Variants in ROBO2 observed in about 807,000 individuals in gnomAD.
The protein encoded by ROBO2 is roundabout homolog 2.
ROBO2 carries 53 observed loss-of-function variants against 160.8 expected under a neutral mutation model. The ratio of observed to expected loss-of-function variants is 0.33; its 90% CI spans 0.26 to 0.41. The LOEUF is 0.41. Among genes scored for constraint, ROBO2 ranks in the 10% least tolerant of loss-of-function variants. The pLI is 1.00. For missense variants in ROBO2, 1,577 were observed against 1,722.4 expected (o/e 0.92, Z 1.49); for synonymous variants, 664 against 611.7 (o/e 1.09, Z -1.26).
chr3:77,568,200 CGTTTT>C, intron 12 of ROBO2, 108 bp from the exon 14 acceptor site: 2 of 1,186,820 alleles, frequency 1.7e-6, no homozygotes, highest in Non-Finnish European at 2.4e-6. Flanking sequence ...AGAGAGTTTT[CGTTTT>C]GTTTCCCTGT....
chr3:77,286,102 T>C (rs532191296), intron 2 of ROBO2, among the ~76,000 whole-genome samples: 6 of 152,264 alleles, frequency 3.9e-5, no homozygotes, highest in African/African-American at 1.4e-4. Context: ...CATATAGCAG[T>C]GTGTTTTACA....
chr3:76,089,932 G>T (rs1344462963), intron 2 of ROBO2, among the ~76,000 whole-genome samples: 2 of 151,976 alleles, frequency 1.3e-5, no homozygotes, highest in Admixed American at 6.6e-5. Flanking sequence ...AAATCCAAAA[G>T]AATTCTCAGA....
intron 2 of ROBO2, among the ~76,000 whole-genome samples, chr3:76,291,601 A>C (rs757916728): frequency 6.6e-6 from 1 of 152,008 alleles, no homozygotes; most frequent in Admixed American, 6.6e-5. Context: ...TAGTTCTTCT[A>C]GAGGCGATGT....
chr3:77,232,993 G>A, intron 2 of ROBO2, among the ~76,000 whole-genome samples: 1 of 152,072 alleles, frequency 6.6e-6, no homozygotes, highest in Non-Finnish European at 1.5e-5. Context: ...GAGGCATATT[G>A]AAGAGCTTTA....
chr3:77,321,188 G>A (rs2064654713), intron 2 of ROBO2, among the ~76,000 whole-genome samples: 2 of 152,024 alleles, frequency 1.3e-5, no homozygotes, highest in African/African-American at 2.4e-5. Flanking sequence ...CATAAATTTG[G>A]GTGGTGGGCA....
chr3:76,463,710 A>T (rs2078213519), intron 2 of ROBO2, among the ~76,000 whole-genome samples: 1 of 152,126 alleles, frequency 6.6e-6, no homozygotes, highest in Non-Finnish European at 1.5e-5. Flanking sequence ...ATCCATCAGG[A>T]CAGCCATAGA....
intron 2 of ROBO2, among the ~76,000 whole-genome samples, chr3:75,996,777 ATG>A (rs2107539714): frequency 1.2e-5 from 1 of 82,020 alleles, no homozygotes; most frequent in African/African-American, 3.4e-5. Flanking sequence ...ATTCTGATAT[ATG>A]TAAATCATCA....
chr3:77,632,229 A>C (rs1408021448), intron 23 of ROBO2: 3 of 318,502 alleles, frequency 9.4e-6, no homozygotes, highest in African/African-American at 6.4e-5. Context: ...TAAACAATGT[A>C]AGAGTTGAAC....
At chr3:76,029,979 C>A (rs539770140) in intron 2 of ROBO2, among the ~76,000 whole-genome samples, 182 of 152,264 alleles carry the variant, frequency 1.2e-3, no homozygotes, top group Admixed American at 3.9e-3. Flanking sequence ...TACAGTCCCA[C>A]CAACAGTGTA....
intron 2 of ROBO2, among the ~76,000 whole-genome samples, chr3:76,942,307 A>C (rs182177355): frequency 5.9e-5 from 9 of 152,350 alleles, no homozygotes; most frequent in Admixed American, 5.9e-4. Flanking sequence ...TTTGCAAAGC[A>C]CACCTCACTT....
At chr3:76,766,006 A>C (rs1242718388) in intron 2 of ROBO2, among the ~76,000 whole-genome samples, 1 of 151,712 alleles carries the variant, frequency 6.6e-6, no homozygotes, top group African/African-American at 2.4e-5. Flanking sequence ...ATCTCAATTA[A>C]TCATTTGGTA....
intron 2 of ROBO2, among the ~76,000 whole-genome samples, chr3:77,223,933 A>T (rs886589668): frequency 6.6e-6 from 1 of 151,914 alleles, no homozygotes; most frequent in African/African-American, 2.4e-5. Context: ...TATATATCTT[A>T]TTTGTGTGTG....
chr3:76,026,987 T>G (rs1388956481), intron 2 of ROBO2, among the ~76,000 whole-genome samples: 2 of 151,940 alleles, frequency 1.3e-5, no homozygotes, highest in Non-Finnish European at 2.9e-5. Context: ...GTCTGAGGAC[T>G]GCGCTGGGAC....
At chr3:76,007,831 C>T (rs1482040428) in intron 2 of ROBO2, among the ~76,000 whole-genome samples, 1 of 152,028 alleles carries the variant, frequency 6.6e-6, no homozygotes, top group African/African-American at 2.4e-5. Context: ...TTGCTAATGG[C>T]CTTCTTGAAC....
intron 2 of ROBO2, among the ~76,000 whole-genome samples, chr3:76,648,119 G>A (rs1480892569): frequency 1.3e-5 from 2 of 151,654 alleles, no homozygotes; most frequent in Non-Finnish European, 2.9e-5. Context: ...GGATATTAGT[G>A]TACATTGTTG....
At chr3:76,464,871 C>T (rs1379846759) in intron 2 of ROBO2, among the ~76,000 whole-genome samples, 2 of 152,012 alleles carry the variant, frequency 1.3e-5, no homozygotes, top group African/African-American at 4.8e-5. Flanking sequence ...TATGACTCTC[C>T]TAGATAAACC....
chr3:76,805,422 G>A (rs1051306917), intron 2 of ROBO2, among the ~76,000 whole-genome samples: 4 of 151,706 alleles, frequency 2.6e-5, no homozygotes, highest in African/African-American at 4.8e-5. Flanking sequence ...TGAAAAGGAA[G>A]CTAGGCATCT....
At chr3:77,395,681 T>C (rs2075210007) in intron 2 of ROBO2, among the ~76,000 whole-genome samples, 1 of 152,166 alleles carries the variant, frequency 6.6e-6, no homozygotes, top group East Asian at 1.9e-4. Context: ...TAATCGTGTA[T>C]GATACAATTC....
At chr3:76,414,086 G>T (rs2075634231) in intron 2 of ROBO2, among the ~76,000 whole-genome samples, 2 of 150,294 alleles carry the variant, frequency 1.3e-5, no homozygotes. Context: ...ATCAGATCTT[G>T]TGAGACTTAT....
Sources: allele counts gnomAD v4.1 joint callset (sites outside exome capture counted in the v4.1 genomes callset), GRCh38; gene constraint gnomAD v4.1.1; transcripts MANE v1.5; gene names NCBI Gene and HGNC (gene_info 2026-07-23, HGNC 2026-07-21).